The following POU2F1 variants were observed in gnomAD, a reference collection of about 807,000 sequenced individuals.
POU2F1 encodes POU class 2 homeobox 1.
In POU2F1, 16 loss-of-function variants were observed where a neutral mutation model predicts 84.9. The observed-to-expected ratio is 0.19, with a 90% confidence interval of 0.13 to 0.29. The LOEUF (loss-of-function observed/expected upper bound fraction) is 0.29, where lower values mean the gene tolerates loss of function less well. POU2F1 is among the 10% of genes least tolerant of loss of function. The pLI, the probability that POU2F1 is intolerant of heterozygous loss-of-function variation, is 1.00. For missense variants in POU2F1, 738 were observed against 942.6 expected, an observed-to-expected ratio of 0.78 and a Z score of 2.84; for synonymous variants, 368 against 368.3, an observed-to-expected ratio of 1.00 and a Z score of 0.01.
chr1:167,331,510 G>T (rs1047901550), intron 1 of POU2F1, among the ~76,000 whole-genome samples: 1 of 152,010 alleles, frequency 6.6e-6, no homozygotes, highest in African/African-American at 2.4e-5. Context: ...GTTAATGTGG[G>T]TAAAGGCAGA....
rs1247979051 is a variant in POU2F1, at chr1:167,424,111, T to C, written c.*8301T>C. The C allele has an allele frequency of 2.0e-5, 3 of 152,378 alleles. No individual in the cohort carries two copies. The highest frequency in any genetic ancestry group is 1.9e-4 in the East Asian group (1 of 5,188). The allele number at this position is 152,378 out of a possible 1,614,324, so 9.4% of individuals were successfully genotyped here. A position where few individuals can be genotyped will look rare whatever the true frequency, so the allele number is the denominator to read the frequency against. On this transcript the variant is annotated 3_prime_UTR_variant, in exon 16 of 16. Transcript: ENST00000367866. ...TAGTTGTAGGCAGTCGGGGATGCCA[T>C]GTCCTTGGTTCCATTCCTGCGTGAG...
intron 1 of POU2F1, among the ~76,000 whole-genome samples, chr1:167,226,411 T>C (rs182319022): frequency 4.4e-4 from 67 of 152,338 alleles, no homozygotes; most frequent in Admixed American, 7.2e-4. Context: ...TCGCTGGACA[T>C]TTTTGTGCAT....
At chr1:167,236,605 G>A (rs1160203108) in intron 1 of POU2F1, among the ~76,000 whole-genome samples, 2 of 152,164 alleles carry the variant, frequency 1.3e-5, no homozygotes, top group African/African-American at 4.8e-5. Flanking sequence ...CTTCCCCGCA[G>A]CTAATTCCTA....
intron 9 of POU2F1, among the ~76,000 whole-genome samples, chr1:167,392,305 T>G (rs1190949690): frequency 2.7e-5 from 4 of 147,632 alleles, no homozygotes; most frequent in Non-Finnish European, 5.9e-5. Context: ...TGAGCCAAGA[T>G]CACGCCACTG....
intron 1 of POU2F1, among the ~76,000 whole-genome samples, chr1:167,263,075 G>A (rs781281564): frequency 3.9e-5 from 6 of 152,192 alleles, no homozygotes; most frequent in Non-Finnish European, 8.8e-5. Context: ...ATGAGAAAAT[G>A]AAAGTGTTTT....
intron 2 of POU2F1, among the ~76,000 whole-genome samples, chr1:167,360,623 G>A (rs188766433): frequency 1.5e-3 from 235 of 152,266 alleles, no homozygotes; most frequent in Non-Finnish European, 1.6e-3. Flanking sequence ...GTCAGGTAAT[G>A]TGATGCTTCT....
intron 2 of POU2F1, among the ~76,000 whole-genome samples, chr1:167,349,168 C>T (rs1407612056): frequency 6.6e-6 from 1 of 152,054 alleles, no homozygotes; most frequent in Non-Finnish European, 1.5e-5. Flanking sequence ...TCTTCCCTCA[C>T]TCAACCTTTT....
chr1:167,389,560 C>A, intron 8 of POU2F1, 28 bp from the exon 9 acceptor site: 1 of 1,611,694 alleles, frequency 6.2e-7, no homozygotes, highest in Non-Finnish European at 8.5e-7. Context: ...ACGTGTTTTT[C>A]CTCATTGTTT....
At chr1:167,335,378 AT>A (rs1657376697) in intron 2 of POU2F1, among the ~76,000 whole-genome samples, 1 of 152,210 alleles carries the variant, frequency 6.6e-6, no homozygotes, top group African/African-American at 2.4e-5. Flanking sequence ...GTGTATGTTT[AT>A]AGGTCAGGTG....
intron 15 of POU2F1, chr1:167,414,441 G>GGCATT: frequency 1.0e-6 from 1 of 985,404 alleles, no homozygotes; most frequent in Non-Finnish European, 1.2e-6. Context: ...CAAAGTCAGA[G>GGCATT]GCATTCCCTT....
At chr1:167,252,668 T>C (rs1650819868) in intron 1 of POU2F1, among the ~76,000 whole-genome samples, 1 of 152,228 alleles carries the variant, frequency 6.6e-6, no homozygotes, top group Non-Finnish European at 1.5e-5. Flanking sequence ...CTTTTTACTT[T>C]GTTGCAAACT....
chr1:167,296,026 C>CTT (rs34536599), intron 1 of POU2F1, among the ~76,000 whole-genome samples: 16,008 of 146,692 alleles, frequency 0.11, 2,079 homozygotes, highest in African/African-American at 0.32. Flanking sequence ...AAGTAGAAAA[C>CTT]TTTTTTTTTT....
At chr1:167,384,002 G>C in intron 8 of POU2F1, 51 bp downstream of exon 8, 1 of 1,408,188 alleles carries the variant, frequency 7.1e-7, no homozygotes, top group Non-Finnish European at 9.6e-7. Context: ...TGTTTGGGGA[G>C]ACTTTTGGAC....
rs746551676 is a variant in POU2F1, at chr1:167,399,335, T to G, written c.1419T>G (p.Ile473Met). The change falls in exon 12 of 16, where the codon ATT (isoleucine) becomes ATG (methionine). Residue 473 changes from isoleucine to methionine, a missense_variant. This residue lies in a region of POU2F1 where 319 missense variants were observed against 386.0 expected (regional missense o/e 0.83). Coordinates refer to ENST00000367866, the MANE Select transcript of POU2F1 (RefSeq NM_002697.4). ...PSSGGTSSSP[I>M]KAIFPSPTSL... is the part of the protein sequence containing the mutation. Reference sequence around the variant, plus strand: ...GTGGTGGGACCAGCAGCTCACCTATTAAAGCAATTTTCCCCAGCCCAACTT... The same window carrying G: ...GTGGTGGGACCAGCAGCTCACCTATGAAAGCAATTTTCCCCAGCCCAACTT... 5 of 1,613,412 alleles carry G rather than the reference T, an allele frequency of 3.1e-6. No homozygotes were observed. The highest frequency in any genetic ancestry group is 1.7e-4 in the Middle Eastern group (1 of 6,058).
intron 2 of POU2F1, among the ~76,000 whole-genome samples, chr1:167,340,416 C>CT (rs1462931411): frequency 7.0e-6 from 1 of 143,672 alleles, no homozygotes; most frequent in Non-Finnish European, 1.5e-5. Context: ...TATGTTGTTT[C>CT]TTTTTTCTTT....
intron 1 of POU2F1, among the ~76,000 whole-genome samples, chr1:167,239,606 A>C (rs1649754558): frequency 6.6e-6 from 1 of 152,218 alleles, no homozygotes; most frequent in Non-Finnish European, 1.5e-5. Flanking sequence ...AAGTGCTGGG[A>C]ATGCTAAAAG....
chr1:167,396,195 A>C (rs971862771), intron 9 of POU2F1, 91 bp from the exon 10 acceptor site: 10 of 1,438,244 alleles, frequency 7.0e-6, no homozygotes, highest in Non-Finnish European at 8.6e-6. Context: ...TAAAGCAGTT[A>C]TTGGAGCAAC....
chr1:167,348,197 C>T (rs1658324479), intron 2 of POU2F1, among the ~76,000 whole-genome samples: 1 of 152,128 alleles, frequency 6.6e-6, no homozygotes, highest in Non-Finnish European at 1.5e-5. Flanking sequence ...CAAATCTGTA[C>T]AGTTAGTATA....
intron 1 of POU2F1, among the ~76,000 whole-genome samples, chr1:167,307,543 T>G (rs1423039640): frequency 1.3e-5 from 2 of 152,102 alleles, no homozygotes; most frequent in Non-Finnish European, 2.9e-5. Context: ...TTTTTAAATT[T>G]CAAAATAATT....
Sources: allele counts gnomAD v4.1 joint callset (sites outside exome capture counted in the v4.1 genomes callset), GRCh38; gene constraint gnomAD v4.1.1; regional missense constraint gnomAD v4.1.1; transcripts MANE v1.5; gene names NCBI Gene and HGNC (gene_info 2026-07-23, HGNC 2026-07-21).